The following PCMTD1 variants were observed in gnomAD, a reference collection of about 807,000 sequenced individuals.
PCMTD1 encodes the protein protein-L-isoaspartate O-methyltransferase domain-containing protein 1.
Under a neutral mutation model 37.6 loss-of-function variants are expected in PCMTD1, and 12 were observed. The ratio of observed to expected loss-of-function variants is 0.32; its 90% CI spans 0.20 to 0.52. PCMTD1 has a LOEUF of 0.52. Ranked by LOEUF, PCMTD1 falls within the 20% of genes least tolerant of loss-of-function variation. PCMTD1 has a pLI of 0.97. For synonymous variants in PCMTD1, 117 were observed against 135.8 expected (o/e 0.86, Z 0.96); for missense variants, 235 against 421.3 (o/e 0.56, Z 3.87).
chr8:51,878,558 G>A (rs770093744), intron 1 of PCMTD1, among the ~76,000 whole-genome samples: 7 of 151,974 alleles, frequency 4.6e-5, no homozygotes, highest in Non-Finnish European at 7.4e-5. Context: ...AACAGCCTGG[G>A]CAACATAGTG....
intron 3 of PCMTD1, among the ~76,000 whole-genome samples, chr8:51,836,944 C>A (rs2038076973): frequency 1.3e-5 from 2 of 152,104 alleles, no homozygotes; most frequent in African/African-American, 4.8e-5. Context: ...ATAACTGGAG[C>A]TTCATGTTAC....
At position 51,843,728 on chromosome 8, in the gene PCMTD1, G is replaced by A. The variant is rs565169457; in HGVS notation, c.410+1933C>T. 5.9e-5 allele frequency among the ~76,000 whole-genome samples: 9 copies of A among 152,134 alleles called. No individual in the cohort carries two copies. In the South Asian group the frequency reaches 1.7e-3, roughly 28 times the overall value. ...ACTTCAAATCACAACATATTTTCCT[G>A]TTTCCCAGGACTATACCCTCTTGCC... is the stretch of plus-strand genomic sequence containing the variant. On this transcript the variant is annotated intron_variant, in intron 3 of 5. Coordinates refer to ENST00000522514, the MANE Select transcript of PCMTD1 (RefSeq NM_052937.4).
intron 2 of PCMTD1, among the ~76,000 whole-genome samples, chr8:51,847,663 C>T (rs2038242098): frequency 6.6e-6 from 1 of 152,090 alleles, no homozygotes; most frequent in Non-Finnish European, 1.5e-5. Flanking sequence ...ACTACACTTA[C>T]TTAACATTAT....
In PCMTD1 at chr8:51,898,366, C is replaced by T. The variant is rs148612053; in HGVS notation, c.-96+564G>A. ...TGCACTTCCCCGGAACGGTAGTAGA[C>T]GCTCAAAAACACAAAAAGAGGCCTT... On this transcript the variant is annotated intron_variant, in intron 1 of 5. Transcript: ENST00000522514. Among the ~76,000 whole-genome samples, 29 of 152,248 alleles carry T rather than the reference C, an allele frequency of 1.9e-4. No individual in the cohort carries two copies. The East Asian group carries it at 5.6e-3, about 29-fold the overall frequency.
intron 2 of PCMTD1, chr8:51,849,320 T>C (rs567557348): frequency 9.9e-5 from 15 of 152,216 alleles, no homozygotes; most frequent in African/African-American, 3.4e-4. Context: ...AAGTTGTCAA[T>C]GGAAAAAAGT....
intron 1 of PCMTD1, among the ~76,000 whole-genome samples, chr8:51,878,877 C>T (rs994628914): frequency 5.9e-5 from 9 of 152,192 alleles, no homozygotes; most frequent in African/African-American, 2.2e-4. Context: ...ATAATCCCAG[C>T]ACTTTGGGAG....
chr8:51,829,985 A>G (rs573364238), intron 5 of PCMTD1, among the ~76,000 whole-genome samples: 1 of 152,284 alleles, frequency 6.6e-6, no homozygotes, highest in African/African-American at 2.4e-5. Context: ...TAAAAAAACT[A>G]TGATCTAAGT....
intron 5 of PCMTD1, among the ~76,000 whole-genome samples, chr8:51,829,013 T>C (rs1449307594): frequency 6.6e-6 from 1 of 152,236 alleles, no homozygotes; most frequent in African/African-American, 2.4e-5. Flanking sequence ...TTAAAGTCCT[T>C]TTTGTAAGTA....
intron 5 of PCMTD1, among the ~76,000 whole-genome samples, chr8:51,821,627 G>A (rs2037849284): frequency 6.6e-6 from 1 of 152,120 alleles, no homozygotes; most frequent in South Asian, 2.1e-4. Context: ...TATGCAACTT[G>A]CATAATCAGG....
intron 3 of PCMTD1, among the ~76,000 whole-genome samples, chr8:51,844,519 T>G (rs1301198621): frequency 1.3e-5 from 2 of 152,170 alleles, no homozygotes; most frequent in East Asian, 1.9e-4. Context: ...TTTGCTCCAT[T>G]ACATCAGGTT....
intron 5 of PCMTD1, among the ~76,000 whole-genome samples, chr8:51,825,313 T>C (rs2037906242): frequency 1.3e-5 from 2 of 152,132 alleles, no homozygotes; most frequent in Non-Finnish European, 2.9e-5. Context: ...AGGGCTAACA[T>C]GCAGAATCTA....
intron 3 of PCMTD1, among the ~76,000 whole-genome samples, chr8:51,842,829 T>TA (rs1412282137): frequency 2.6e-5 from 4 of 151,938 alleles, no homozygotes; most frequent in African/African-American, 7.2e-5. Flanking sequence ...ACCGGCAGCA[T>TA]AAAAAAAACT....
chr8:51,832,262 T>C (rs2038008585), intron 4 of PCMTD1, among the ~76,000 whole-genome samples: 1 of 152,222 alleles, frequency 6.6e-6, no homozygotes, highest in Non-Finnish European at 1.5e-5. Context: ...AAATGTATCG[T>C]TAAAGAAAAA....
At chr8:51,872,262 C>G (rs2038650415) in intron 1 of PCMTD1, among the ~76,000 whole-genome samples, 1 of 152,144 alleles carries the variant, frequency 6.6e-6, no homozygotes, top group Admixed American at 6.5e-5. Flanking sequence ...CCACACGTAT[C>G]TCCCTAAACA....
At chr8:51,822,426 A>G (rs550159032) in intron 5 of PCMTD1, among the ~76,000 whole-genome samples, 14 of 152,322 alleles carry the variant, frequency 9.2e-5, no homozygotes, top group African/African-American at 3.1e-4. Flanking sequence ...GCAGATGCTG[A>G]TATCAGTGAC....
At chr8:51,880,492 C>A (rs1327296550) in intron 1 of PCMTD1, among the ~76,000 whole-genome samples, 1 of 152,154 alleles carries the variant, frequency 6.6e-6, no homozygotes, top group East Asian at 1.9e-4. Context: ...ACTCTTCCAC[C>A]TTTATTGGGA....
intron 2 of PCMTD1, among the ~76,000 whole-genome samples, chr8:51,846,181 T>C (rs1183023170): frequency 6.6e-6 from 1 of 152,174 alleles, no homozygotes; most frequent in Non-Finnish European, 1.5e-5. Flanking sequence ...CATGAATGTC[T>C]CAGGGCATCG....
intron 5 of PCMTD1, among the ~76,000 whole-genome samples, chr8:51,824,949 T>C (rs751768777): frequency 7.2e-5 from 11 of 152,216 alleles, no homozygotes; most frequent in Non-Finnish European, 1.0e-4. Context: ...GGTGAAAAGA[T>C]TCCCTATTTA....
intron 2 of PCMTD1, among the ~76,000 whole-genome samples, chr8:51,848,738 ATT>A (rs2038260293): frequency 6.6e-6 from 1 of 152,192 alleles, no homozygotes; most frequent in Non-Finnish European, 1.5e-5. Flanking sequence ...TATGTAAAGA[ATT>A]TGACAAACAA....
Sources: allele counts gnomAD v4.1 joint callset (sites outside exome capture counted in the v4.1 genomes callset), GRCh38; gene constraint gnomAD v4.1.1; transcripts MANE v1.5; gene names NCBI Gene and HGNC (gene_info 2026-07-23, HGNC 2026-07-21).